The following MDN1 variants were observed in gnomAD, a reference collection of about 807,000 sequenced individuals.
MDN1 encodes the protein midasin AAA ATPase 1.
A neutral mutation model predicts 669.2 loss-of-function variants in MDN1; 266 were observed. The observed-to-expected ratio is 0.40, with a 90% CI of 0.36 to 0.44. The LOEUF is 0.44. MDN1 is among the 20% of genes least tolerant of loss of function. The pLI, the probability that MDN1 is intolerant of heterozygous loss-of-function variation, is 1.00. For synonymous variants in MDN1, 2,385 were observed against 2,457.1 expected (o/e 0.97, Z 0.87); for missense variants, 5,940 against 6,754.0 (o/e 0.88, Z 4.22).
chr6:89,723,366 A>T, intron 39 of MDN1, 146 bp downstream of exon 39: 1 of 666,494 alleles, frequency 1.5e-6, no homozygotes, highest in Non-Finnish European at 2.5e-6. Context: ...TCCACTACAT[A>T]GTGTCCCTTC....
At chr6:89,758,448 T>C (rs1817367581) in intron 18 of MDN1, 97 bp from the exon 19 acceptor site, 1 of 975,172 alleles carries the variant, frequency 1.0e-6, no homozygotes, top group South Asian at 1.6e-5. Flanking sequence ...GCTCACACCA[T>C]CCTTGTCTTT....
Position 89,793,882 on chromosome 6 carries a change from C to T in MDN1, c.735G>A (p.Trp245Ter). 1.2e-6 allele frequency: 2 copies of T among 1,614,128 alleles called. No homozygotes were observed. Among genetic ancestry groups the T allele is most frequent in the Non-Finnish European group, 1.7e-6 (2 of 1,179,988 alleles). ...AGTACTGCAGCTCCTTCTGCTTACG[C>T]CAAAGGGAGACTTCTGGATTGGCCA... ...LVLANPEVSLWRKQKELQYLQ... is the reference protein window; with the variant it reads ...LVLANPEVSL Residue 245 changes from tryptophan (W) to a stop codon, truncating the protein, a stop_gained, in exon 5 of 102, where the codon TGG becomes TGA. Coordinates refer to ENST00000369393, the MANE Select transcript of MDN1 (RefSeq NM_014611.3). LOFTEE classifies it high-confidence loss of function.
At chr6:89,773,141 G>A (rs899068038) in intron 13 of MDN1, among the ~76,000 whole-genome samples, 1 of 152,164 alleles carries the variant, frequency 6.6e-6, no homozygotes, top group African/African-American at 2.4e-5. Context: ...TCAAAATAGG[G>A]TCTTTGAAGA....
intron 83 of MDN1, 130 bp from the exon 84 acceptor site, chr6:89,668,281 G>A (rs866493314): frequency 1.0e-5 from 12 of 1,152,846 alleles, no homozygotes; most frequent in Middle Eastern, 4.7e-4. Context: ...TCTTAAATCC[G>A]CTGGAAGTAC....
At chr6:89,721,188 T>C (rs1814794495) in intron 40 of MDN1, among the ~76,000 whole-genome samples, 1 of 152,192 alleles carries the variant, frequency 6.6e-6, no homozygotes, top group Non-Finnish European at 1.5e-5. Context: ...CTGTGAGGTA[T>C]GGTGCTGGGT....
At chr6:89,754,793 T>C (rs1212927486) in intron 20 of MDN1, among the ~76,000 whole-genome samples, 1 of 152,184 alleles carries the variant, frequency 6.6e-6, no homozygotes, top group African/African-American at 2.4e-5. Context: ...CATGATCAAT[T>C]AGCACCACAA....
chr6:89,726,866 C>T (rs550844417), intron 37 of MDN1, among the ~76,000 whole-genome samples: 2 of 152,278 alleles, frequency 1.3e-5, no homozygotes, highest in African/African-American at 4.8e-5. Context: ...GTCATGTTTA[C>T]ACAAGCACCA....
At position 89,780,297 on chromosome 6, in the gene MDN1, T is replaced by TA. The variant is rs750275055; in HGVS notation, c.1644-5dup. On this transcript the variant is annotated splice_polypyrimidine_tract_variant and splice_region_variant and intron_variant, in intron 10 of 101. Transcript: ENST00000369393. ...ATTACACCAATTCAGCAGATCCCTT[T>TA]AAAAAAAAGAAAGAAAAGAAAAAAC... 143 of 1,534,580 alleles carry TA rather than the reference T, an allele frequency of 9.3e-5. No individual in the cohort carries two copies. The highest frequency in any genetic ancestry group is 1.7e-4 in the South Asian group (13 of 78,714).
chr6:89,721,522 A>C (rs1292018723), intron 40 of MDN1, among the ~76,000 whole-genome samples: 2 of 151,028 alleles, frequency 1.3e-5, no homozygotes, highest in Non-Finnish European at 3.0e-5. Context: ...TTAAAGAAGC[A>C]AAGAACTCAG....
intron 18 of MDN1, 147 bp downstream of exon 18, chr6:89,758,669 C>T: frequency 1.2e-6 from 1 of 840,264 alleles, no homozygotes; most frequent in Non-Finnish European, 1.8e-6. Flanking sequence ...CACTTTAATG[C>T]ACTTTGCAGA....
rs1318496991 is a variant in MDN1 at position 89,662,200 on chromosome 6, T to G, written c.14452A>C (p.Ser4818Arg). 1 of 1,613,656 alleles carries G rather than the reference T, an allele frequency of 6.2e-7. No individual in the cohort carries two copies. Among genetic ancestry groups the G allele is most frequent in the Non-Finnish European group, 8.5e-7 (1 of 1,179,926 alleles). ...ELVAKDDNLD[S>R]GNSNKDKSQQ... ...CTTTTATCTTTGTTTGAATTGCCAC[T>G]ATCCAAGTTGTCATCTTTAGCAACA... Residue 4818 changes from serine (S) to arginine (R), a missense_variant, in exon 87 of 102, where the codon AGT (serine) becomes CGT (arginine). This residue lies in a region of MDN1 where 2,280 missense variants were observed against 2,576.3 expected (regional missense o/e 0.88). Coordinates refer to ENST00000369393, the MANE Select transcript of MDN1 (RefSeq NM_014611.3).
intron 2 of MDN1, among the ~76,000 whole-genome samples, chr6:89,801,958 T>C (rs1315939399): frequency 2.0e-5 from 3 of 148,090 alleles, no homozygotes; most frequent in Non-Finnish European, 3.0e-5. Context: ...TGAGACTGCT[T>C]CAAAAAGAAA....
intron 70 of MDN1, 42 bp from the exon 71 acceptor site, chr6:89,685,027 C>A: frequency 7.3e-7 from 1 of 1,367,410 alleles, no homozygotes; most frequent in Non-Finnish European, 1.0e-6. Context: ...ACACTTGCTG[C>A]ATGTGCTACT....
rs575684437 is a variant in MDN1 at position 89,812,551 on chromosome 6, T to C, written c.102+6955A>G. Among the ~76,000 whole-genome samples, 27 of 152,274 alleles carry C rather than the reference T, an allele frequency of 1.8e-4. 1 individual carries two copies. The East Asian group carries it at 2.5e-3, about 14-fold the overall frequency. ...CTTCATATTTGTATGTCTGTATGCT[T>C]AACATATTGAGTTTTTACTGTTTTG... is the stretch of plus-strand genomic sequence containing the variant. On this transcript the variant is annotated intron_variant, in intron 1 of 101. Transcript: ENST00000369393.
At chr6:89,729,748 C>G (rs994595985) in intron 35 of MDN1, among the ~76,000 whole-genome samples, 7 of 148,064 alleles carry the variant, frequency 4.7e-5, no homozygotes, top group African/African-American at 1.7e-4. Context: ...ATTACCTCAC[C>G]CTTGGTAGCA....
chr6:89,650,136 T>G lies in MDN1; in HGVS notation c.16094A>C (p.Gln5365Pro). Residue 5365 changes from glutamine (Q) to proline (P), a missense_variant, in exon 97 of 102, where the codon CAA (glutamine) becomes CCA (proline). This residue lies in a region of MDN1 where 2,280 missense variants were observed against 2,576.3 expected (regional missense o/e 0.88). Coordinates refer to ENST00000369393, the MANE Select transcript of MDN1 (RefSeq NM_014611.3). ...IRKVIPYIAS[Q>P]FRKDKIWLRR... The stretch of plus-strand genomic sequence containing the variant: ...AAGCCAAATCTTGTCTTTCCGAAAT[T>G]GACTAGCAATGTATGGAATGACTTT... The G allele has an allele frequency of 1.2e-6, 2 of 1,614,202 alleles. No homozygotes were observed. The highest frequency in any genetic ancestry group is 1.7e-6 in the Non-Finnish European group (2 of 1,180,036).
intron 8 of MDN1, among the ~76,000 whole-genome samples, chr6:89,785,637 C>A (rs537575245): frequency 6.6e-6 from 1 of 152,100 alleles, no homozygotes. Context: ...ACAACTGTCC[C>A]GAGAGGAAGA....
At chr6:89,777,095 T>C (rs1818394424) in intron 11 of MDN1, among the ~76,000 whole-genome samples, 1 of 152,168 alleles carries the variant, frequency 6.6e-6, no homozygotes, top group Non-Finnish European at 1.5e-5. Flanking sequence ...AGGTGTGCAA[T>C]ACCTCATGGT....
At chr6:89,807,512 GTTAT>G in intron 1 of MDN1, among the ~76,000 whole-genome samples, 1 of 152,114 alleles carries the variant, frequency 6.6e-6, no homozygotes, top group Admixed American at 6.6e-5. Context: ...TTTTTAAGAT[GTTAT>G]TTATTACTTG....
Sources: allele counts gnomAD v4.1 joint callset (sites outside exome capture counted in the v4.1 genomes callset), GRCh38; gene constraint gnomAD v4.1.1; regional missense constraint gnomAD v4.1.1; transcripts MANE v1.5; gene names NCBI Gene and HGNC (gene_info 2026-07-23, HGNC 2026-07-21).